MIS18A: variants seen among roughly 807,000 people sequenced by gnomAD.
MIS18A encodes the protein protein Mis18-alpha.
A neutral mutation model predicts 25.0 loss-of-function variants in MIS18A; 14 were observed. That is an observed-to-expected ratio of 0.56 (90% CI 0.37 to 0.88). MIS18A has a LOEUF of 0.88. Among genes scored for constraint, MIS18A ranks in the 40% least tolerant of loss-of-function variants. MIS18A has a pLI of 0.00. For missense variants in MIS18A, 292 were observed against 290.8 expected (o/e 1.00, Z -0.03); for synonymous variants, 134 against 118.6 (o/e 1.13, Z -0.84).
rs1308814020 is a variant in MIS18A, at chr21:32,273,051, T to A, written c.401+1779A>T. ...ATGGCCTGCATGCCGGCACCACAAT[T>A]TCTGTCACATCCACAAACCATCTGT... On this transcript the variant is annotated intron_variant, in intron 2 of 4. Coordinates refer to ENST00000290130, the MANE Select transcript of MIS18A (RefSeq NM_018944.3). 3.3e-5 allele frequency among the ~76,000 whole-genome samples: 5 copies of A among 152,168 alleles called. No homozygotes were observed. In the East Asian group the frequency reaches 9.6e-4, roughly 29 times the overall value.
At chr21:32,157,112 G>C in the MIS18A span, among the ~76,000 whole-genome samples, 1 of 145,092 alleles carries the variant, frequency 6.9e-6, no homozygotes, top group African/African-American at 2.5e-5. Flanking sequence ...CTGGAGTGCA[G>C]TGGCGTGATC....
At chr21:32,237,155 G>T in the MIS18A span, among the ~76,000 whole-genome samples, 1 of 150,998 alleles carries the variant, frequency 6.6e-6, no homozygotes, top group Non-Finnish European at 1.5e-5. Flanking sequence ...GCCAGGCCAT[G>T]ATTCATGGTC....
the MIS18A span, among the ~76,000 whole-genome samples, chr21:32,262,511 C>T: frequency 3.3e-5 from 5 of 152,202 alleles, no homozygotes; most frequent in South Asian, 4.1e-4. Context: ...TGGAGAGAAA[C>T]GTGAAAGTGA....
the MIS18A span, among the ~76,000 whole-genome samples, chr21:32,220,509 A>G: frequency 2.6e-5 from 4 of 152,220 alleles, no homozygotes; most frequent in Non-Finnish European, 5.9e-5. Flanking sequence ...AGATAAATCC[A>G]TGAAGATGAG....
chr21:32,200,595 G>A, the MIS18A span, among the ~76,000 whole-genome samples: 10,717 of 151,916 alleles, frequency 0.071, 541 homozygotes, highest in South Asian at 0.16. Context: ...CACCATGCTC[G>A]GCTAATTTTT....
chr21:32,258,345 C>T, the MIS18A span, among the ~76,000 whole-genome samples: 6 of 151,970 alleles, frequency 3.9e-5, no homozygotes, highest in Non-Finnish European at 5.9e-5. Flanking sequence ...GGGGCTGCAT[C>T]GGGGACGGGG....
chr21:32,169,418 G>C, the MIS18A span, among the ~76,000 whole-genome samples: 1 of 152,104 alleles, frequency 6.6e-6, no homozygotes, highest in Non-Finnish European at 1.5e-5. Context: ...CATCACAGCT[G>C]CCTCAAGTGG....
downstream of MIS18A, among the ~76,000 whole-genome samples, chr21:32,263,259 G>A (rs2031537590): frequency 6.6e-6 from 1 of 152,074 alleles, no homozygotes; most frequent in Non-Finnish European, 1.5e-5. Context: ...GGTATTTTGG[G>A]TTTTCTCCAG....
At chr21:32,269,882 CAGA>C in intron 3 of MIS18A, 79 bp from the exon 4 acceptor site, 2 of 870,882 alleles carry the variant, frequency 2.3e-6, no homozygotes, top group South Asian at 2.8e-5. Context: ...GAGGCTGAGA[CAGA>C]AGGATCATCT....
chr21:32,159,464 A>G, the MIS18A span, among the ~76,000 whole-genome samples: 1 of 152,364 alleles, frequency 6.6e-6, no homozygotes, highest in African/African-American at 2.4e-5. Context: ...TATACAGGCA[A>G]AAATCATTTT....
At chr21:32,271,817 G>C (rs187188666) in intron 2 of MIS18A, among the ~76,000 whole-genome samples, 17 of 152,240 alleles carry the variant, frequency 1.1e-4, no homozygotes, top group African/African-American at 3.9e-4. Flanking sequence ...CAGTGAACAG[G>C]TAAACCTCCA....
the MIS18A span, among the ~76,000 whole-genome samples, chr21:32,231,170 A>G: frequency 6.7e-6 from 1 of 149,744 alleles, no homozygotes; most frequent in Non-Finnish European, 1.5e-5. Context: ...TGGGAAGTAG[A>G]GGTTGCAGTG....
chr21:32,253,016 G>C, the MIS18A span, among the ~76,000 whole-genome samples: 1 of 152,180 alleles, frequency 6.6e-6, no homozygotes, highest in African/African-American at 2.4e-5. Flanking sequence ...GCTGCCCTTG[G>C]GACCTCTCCA....
chr21:32,257,672 C>T, the MIS18A span, among the ~76,000 whole-genome samples: 4 of 152,104 alleles, frequency 2.6e-5, no homozygotes, highest in Admixed American at 2.0e-4. Flanking sequence ...TAATCCAACC[C>T]CTTCTTTCTA....
chr21:32,241,973 G>A, the MIS18A span, among the ~76,000 whole-genome samples: 1 of 152,208 alleles, frequency 6.6e-6, no homozygotes, highest in Non-Finnish European at 1.5e-5. Context: ...CCGCCTCCCG[G>A]GTTCACGCCA....
At chr21:32,261,690 T>C in the MIS18A span, 3 of 152,234 alleles carry the variant, frequency 2.0e-5, no homozygotes, top group Admixed American at 2.0e-4. Context: ...CAAACAAATG[T>C]AAAATATAAT....
At chr21:32,260,503 AC>A in the MIS18A span, 2 of 152,732 alleles carry the variant, frequency 1.3e-5, no homozygotes, top group Admixed American at 1.3e-4. Context: ...AATTAGAGAC[AC>A]AGGAATGATC....
the MIS18A span, among the ~76,000 whole-genome samples, chr21:32,173,088 CA>C: frequency 2.0e-5 from 3 of 151,220 alleles, no homozygotes; most frequent in Admixed American, 2.0e-4. Context: ...CAAAGCATAA[CA>C]AAAAAAAGAT....
the MIS18A span, chr21:32,261,596 T>A: frequency 6.6e-6 from 1 of 152,248 alleles, no homozygotes; most frequent in Non-Finnish European, 1.5e-5. Flanking sequence ...GGGGCTGCAT[T>A]CTTTTTGGCC....
Sources: gnomAD v4.1 joint callset for allele counts (sites outside exome capture counted in the v4.1 genomes callset) on GRCh38, gnomAD v4.1.1 for gene constraint, MANE v1.5 for transcripts, NCBI Gene and HGNC (gene_info 2026-07-23, HGNC 2026-07-21) for gene names.